GALNTL5: variants seen among roughly 807,000 people sequenced by gnomAD.
GALNTL5 encodes the protein polypeptide N-acetylgalactosaminyltransferase like 5.
A neutral mutation model predicts 51.0 loss-of-function variants in GALNTL5; 44 were observed. The ratio of observed to expected loss-of-function variants is 0.86; its 90% CI spans 0.68 to 1.11. The LOEUF (loss-of-function observed/expected upper bound fraction) is 1.11. Ranked by LOEUF, GALNTL5 falls within the 50% of genes least tolerant of loss-of-function variation. The probability of loss-of-function intolerance (pLI) is 0.00; values close to 1 mark genes in which losing one functional copy is unlikely to be tolerated. For synonymous variants in GALNTL5, 192 were observed against 182.8 expected (o/e 1.05, Z -0.41); for missense variants, 528 against 531.8 (o/e 0.99, Z 0.07).
chr7:151,974,326 A>G (rs1194446402), intron 3 of GALNTL5, among the ~76,000 whole-genome samples: 1 of 152,198 alleles, frequency 6.6e-6, no homozygotes, highest in African/African-American at 2.4e-5. Context: ...GCTTAGCATG[A>G]TGCCCTCAAG....
intron 1 of GALNTL5, among the ~76,000 whole-genome samples, chr7:151,957,574 A>G (rs12534286): frequency 2.0e-5 from 3 of 149,686 alleles, no homozygotes; most frequent in East Asian, 1.9e-4. Context: ...AAGAAAAAAA[A>G]AAAGAAAGAA....
At chr7:151,968,429 G>A (rs573841318) in intron 2 of GALNTL5, among the ~76,000 whole-genome samples, 1 of 152,316 alleles carries the variant, frequency 6.6e-6, no homozygotes, top group African/African-American at 2.4e-5. Context: ...GTGGATCCCT[G>A]CTCTGAACGG....
chr7:151,964,335 G>A lies in GALNTL5; in HGVS notation c.-39-2873G>A, dbSNP rs183964943. ...CACAGTTCCGTTCATTGCAGCATTC[G>A]ATTCTGATATGGTTTGGTTGTGTCC... On this transcript the variant is annotated intron_variant, in intron 1 of 8. Coordinates refer to ENST00000392800, the MANE Select transcript of GALNTL5 (RefSeq NM_145292.4). Among the ~76,000 whole-genome samples, 68 of 152,252 alleles carry A rather than the reference G, an allele frequency of 4.5e-4. No homozygotes were observed. In the East Asian group the frequency reaches 0.013, roughly 28 times the overall value.
chr7:152,002,712 A>G lies in GALNTL5; in HGVS notation c.659-2A>G. The G allele has an allele frequency of 1.2e-6, 2 of 1,613,878 alleles. No individual in the cohort carries two copies. The highest frequency in any genetic ancestry group is 2.2e-5 in the East Asian group (1 of 44,876). ...AACATTGCCCTGTTCTTGCCTCCCC[A>G]GGGGATGTTCTGGTGTTCCTGGACA... On this transcript the variant is annotated splice_acceptor_variant, in intron 5 of 8. Coordinates refer to ENST00000392800, the MANE Select transcript of GALNTL5 (RefSeq NM_145292.4). LOFTEE classifies it high-confidence loss of function.
intron 3 of GALNTL5, among the ~76,000 whole-genome samples, chr7:151,973,498 C>T (rs867556845): frequency 2.6e-5 from 4 of 152,122 alleles, no homozygotes; most frequent in South Asian, 4.1e-4. Context: ...ATGTCTGCCC[C>T]GCTGGGTTTC....
rs575102283 is a variant in GALNTL5 at position 151,971,861 on chromosome 7, C to A, written c.368+796C>A. On this transcript the variant is annotated intron_variant, in intron 3 of 8. Coordinates refer to ENST00000392800, the MANE Select transcript of GALNTL5 (RefSeq NM_145292.4). ...CTCTTCTGCCACCATGTAAGACATG[C>A]CTTGCTTTCCCTTCACCTTCTACCA... 2.6e-5 allele frequency among the ~76,000 whole-genome samples: 4 copies of A among 152,254 alleles called. No homozygotes were observed. The East Asian group carries it at 7.7e-4, about 29-fold the overall frequency.
intron 5 of GALNTL5, among the ~76,000 whole-genome samples, chr7:151,997,258 G>C (rs1459648431): frequency 1.3e-5 from 2 of 152,200 alleles, no homozygotes; most frequent in African/African-American, 4.8e-5. Context: ...GCACTAAAGA[G>C]AATCTGATGA....
chr7:152,011,159 G>A (rs1364841447), intron 7 of GALNTL5, among the ~76,000 whole-genome samples: 3 of 152,172 alleles, frequency 2.0e-5, no homozygotes, highest in African/African-American at 7.2e-5. Flanking sequence ...TCAACTTCAG[G>A]TCTTGAGACC....
intron 3 of GALNTL5, among the ~76,000 whole-genome samples, chr7:151,979,094 A>G (rs908144398): frequency 2.1e-5 from 3 of 143,364 alleles, no homozygotes; most frequent in African/African-American, 2.6e-5. Flanking sequence ...GGCCATCCAA[A>G]TTACTTTTAC....
chr7:151,963,334 C>T (rs982843084), intron 1 of GALNTL5, among the ~76,000 whole-genome samples: 3 of 152,190 alleles, frequency 2.0e-5, no homozygotes, highest in Admixed American at 2.0e-4. Context: ...TTCTCTTAGG[C>T]TTCCCTCTGC....
intron 5 of GALNTL5, among the ~76,000 whole-genome samples, chr7:152,000,351 T>C (rs1209259369): frequency 1.3e-5 from 2 of 152,176 alleles, no homozygotes; most frequent in African/African-American, 2.4e-5. Context: ...GTCACCAGAA[T>C]AGAATGCACT....
intron 6 of GALNTL5, among the ~76,000 whole-genome samples, chr7:152,005,558 T>A (rs1443669623): frequency 6.6e-6 from 1 of 152,146 alleles, no homozygotes; most frequent in Non-Finnish European, 1.5e-5. Flanking sequence ...CAAGTGGGGA[T>A]GTGAAGTAGG....
chr7:151,979,080 C>G (rs73161839), intron 3 of GALNTL5, among the ~76,000 whole-genome samples: 22,280 of 148,876 alleles, frequency 0.15, 2,278 homozygotes, highest in Non-Finnish European at 0.22. Flanking sequence ...TGAGGACAAC[C>G]AAAGGCCATC....
At chr7:151,959,854 G>A (rs369174554) in intron 1 of GALNTL5, among the ~76,000 whole-genome samples, 1 of 152,126 alleles carries the variant, frequency 6.6e-6, no homozygotes, top group Non-Finnish European at 1.5e-5. Flanking sequence ...GCCTTGTTGG[G>A]GAGCAGTGGG....
chr7:152,005,857 A>G (rs1382357727), intron 6 of GALNTL5, among the ~76,000 whole-genome samples: 6 of 152,208 alleles, frequency 3.9e-5, no homozygotes, highest in Non-Finnish European at 8.8e-5. Context: ...CATATCATCT[A>G]TAACTCTTTG....
intron 3 of GALNTL5, among the ~76,000 whole-genome samples, chr7:151,978,731 C>T (rs776554372): frequency 1.3e-5 from 2 of 152,164 alleles, no homozygotes; most frequent in African/African-American, 2.4e-5. Context: ...CTGTTCCAGA[C>T]GTCTCTCCTT....
intron 3 of GALNTL5, 143 bp from the exon 4 acceptor site, chr7:151,982,843 G>T: frequency 6.5e-7 from 1 of 1,544,408 alleles, no homozygotes; most frequent in Middle Eastern, 1.7e-4. Flanking sequence ...GTTTTTAGAT[G>T]TACTGTCACC....
intron 5 of GALNTL5, 98 bp from the exon 6 acceptor site, chr7:152,002,616 T>C: frequency 1.5e-6 from 2 of 1,327,198 alleles, no homozygotes; most frequent in African/African-American, 1.4e-5. Context: ...AAACACATAG[T>C]AAATGCTCAA....
rs772543713 is a variant in GALNTL5, at chr7:152,002,697, T to A, written c.659-17T>A. 7.7e-5 allele frequency: 125 copies of A among 1,613,096 alleles called. No individual in the cohort carries two copies. Among genetic ancestry groups the A allele is most frequent in the Non-Finnish European group, 1.0e-4 (118 of 1,179,478 alleles). ...TCAGCTATGTGGACTAACATTGCCC[T>A]GTTCTTGCCTCCCCAGGGGATGTTC... On this transcript the variant is annotated splice_polypyrimidine_tract_variant and intron_variant, in intron 5 of 8. Coordinates refer to ENST00000392800, the MANE Select transcript of GALNTL5 (RefSeq NM_145292.4).
Sources: allele counts gnomAD v4.1 joint callset (sites outside exome capture counted in the v4.1 genomes callset), GRCh38; gene constraint gnomAD v4.1.1; transcripts MANE v1.5; gene names NCBI Gene and HGNC (gene_info 2026-07-23, HGNC 2026-07-21).